Variants in FRMD5 observed in about 807,000 individuals in gnomAD.
FRMD5 encodes the protein FERM domain containing 5.
In FRMD5, 20 loss-of-function variants were observed where a neutral mutation model predicts 69.0. The ratio of observed to expected loss-of-function variants is 0.29; its 90% CI spans 0.20 to 0.42. The LOEUF (loss-of-function observed/expected upper bound fraction) is 0.42, where lower values mean the gene tolerates loss of function less well. Among genes scored for constraint, FRMD5 ranks in the 10% least tolerant of loss-of-function variants. The pLI, the probability that FRMD5 is intolerant of heterozygous loss-of-function variation, is 1.00. For missense variants in FRMD5, 595 were observed against 708.6 expected (o/e 0.84, Z 1.82); for synonymous variants, 271 against 260.1 (o/e 1.04, Z -0.40).
chr15:44,100,713 T>C lies in FRMD5; in HGVS notation c.102+94240A>G, dbSNP rs1425105981. Among the ~76,000 whole-genome samples, 3 of 152,186 alleles carry C rather than the reference T, an allele frequency of 2.0e-5. No individual in the cohort carries two copies. The East Asian group carries it at 5.8e-4, about 29-fold the overall frequency. On this transcript the variant is annotated intron_variant, in intron 1 of 13. Coordinates refer to ENST00000417257, the MANE Select transcript of FRMD5 (RefSeq NM_032892.5). ...TCCCAAGGCAGATGTGAACCACAGATAGCTTGACTTCTGAGACTAAGATTC... is the reference window on the plus strand; with the variant it reads ...TCCCAAGGCAGATGTGAACCACAGACAGCTTGACTTCTGAGACTAAGATTC...
At chr15:43,987,698 C>T (rs1595591520) in intron 1 of FRMD5, among the ~76,000 whole-genome samples, 1 of 152,008 alleles carries the variant, frequency 6.6e-6, no homozygotes, top group South Asian at 2.1e-4. Context: ...TATAGGCATG[C>T]ATCACCACGC....
intron 1 of FRMD5, among the ~76,000 whole-genome samples, chr15:43,972,186 T>C (rs2090391222): frequency 6.6e-6 from 1 of 151,560 alleles, no homozygotes; most frequent in Non-Finnish European, 1.5e-5. Flanking sequence ...AGCTCACACC[T>C]TGTTATTAAG....
At chr15:43,969,386 A>G (rs1292606927) in intron 1 of FRMD5, among the ~76,000 whole-genome samples, 2 of 152,156 alleles carry the variant, frequency 1.3e-5, no homozygotes, top group Admixed American at 1.3e-4. Context: ...TGGTCCAGCC[A>G]TCTTTATTCT....
chr15:44,038,956 G>A (rs1892058789), intron 1 of FRMD5, among the ~76,000 whole-genome samples: 1 of 152,196 alleles, frequency 6.6e-6, no homozygotes, highest in African/African-American at 2.4e-5. Context: ...CTTGCTGCTA[G>A]CACAGCAGTC....
chr15:43,943,015 G>A (rs1266915372), intron 1 of FRMD5, among the ~76,000 whole-genome samples: 1 of 152,178 alleles, frequency 6.6e-6, no homozygotes, highest in African/African-American at 2.4e-5. Flanking sequence ...GCCGAGGTGG[G>A]CAAATCACCT....
chr15:44,189,596 C>A (rs914460655), intron 1 of FRMD5, among the ~76,000 whole-genome samples: 1 of 151,536 alleles, frequency 6.6e-6, no homozygotes, highest in East Asian at 1.9e-4. Flanking sequence ...TCAAGCAATT[C>A]TCCTGCCTCA....
At chr15:44,179,125 T>C (rs2077953397) in intron 1 of FRMD5, among the ~76,000 whole-genome samples, 1 of 152,114 alleles carries the variant, frequency 6.6e-6, no homozygotes, top group Admixed American at 6.5e-5. Context: ...AAAGTCATAT[T>C]AGCATAGGTA....
intron 1 of FRMD5, among the ~76,000 whole-genome samples, chr15:44,059,774 C>T (rs1021462890): frequency 6.6e-6 from 1 of 152,128 alleles, no homozygotes; most frequent in African/African-American, 2.4e-5. Flanking sequence ...CTCAGCCTCC[C>T]AAAGTGCTGG....
intron 1 of FRMD5, among the ~76,000 whole-genome samples, chr15:44,044,170 A>C (rs574769887): frequency 6.6e-6 from 1 of 152,360 alleles, no homozygotes; most frequent in African/African-American, 2.4e-5. Flanking sequence ...ATATGAAAAA[A>C]AGCTCATCAT....
At chr15:44,196,078 C>A (rs1021484915), upstream of FRMD5, among the ~76,000 whole-genome samples, 1 of 152,130 alleles carries the variant, frequency 6.6e-6, no homozygotes, top group Non-Finnish European at 1.5e-5. Flanking sequence ...CTCTTTGTCA[C>A]CCCAAATTTA....
chr15:43,900,208 G>C (rs1173965975), intron 7 of FRMD5, among the ~76,000 whole-genome samples: 2 of 152,184 alleles, frequency 1.3e-5, no homozygotes. Flanking sequence ...CCAGTAAACA[G>C]GGGATGGGAA....
At chr15:43,961,425 C>G (rs1427941670) in intron 1 of FRMD5, among the ~76,000 whole-genome samples, 10 of 152,080 alleles carry the variant, frequency 6.6e-5, no homozygotes, top group African/African-American at 2.4e-4. Context: ...GCTTACCAAC[C>G]AAAAAAAGTC....
intron 1 of FRMD5, among the ~76,000 whole-genome samples, chr15:43,964,496 C>CAA (rs200106950): frequency 1.3e-4 from 14 of 110,434 alleles, no homozygotes; most frequent in African/African-American, 4.6e-4. Context: ...AACAAACAAA[C>CAA]AAACAAAAAA....
At chr15:44,194,897 C>T (rs930510577) in intron 1 of FRMD5, 56 bp downstream of exon 1, 2 of 1,431,630 alleles carry the variant, frequency 1.4e-6, no homozygotes, top group East Asian at 2.6e-5. Flanking sequence ...GCCAAGTTGA[C>T]CAGACTTGGG....
At position 43,980,628 on chromosome 15, in the gene FRMD5, A is replaced by G. The variant is rs138372779; in HGVS notation, c.103-56319T>C. 3.3e-4 allele frequency among the ~76,000 whole-genome samples: 51 copies of G among 152,348 alleles called. 1 individual carries two copies. Among genetic ancestry groups the G allele is most frequent in the African/African-American group, 1.2e-3 (51 of 41,594 alleles). On this transcript the variant is annotated intron_variant, in intron 1 of 13. Transcript: ENST00000417257. The stretch of plus-strand genomic sequence containing the variant: ...TTGACAATTTTCCCTCAATTGAAAG[A>G]TATGAAACTGAGTATCACTGAAAAT...
chr15:44,028,503 G>T (rs1891537808), intron 1 of FRMD5, among the ~76,000 whole-genome samples: 1 of 152,340 alleles, frequency 6.6e-6, no homozygotes, highest in East Asian at 1.9e-4. Flanking sequence ...ACCACAACAT[G>T]GTGCACAGAA....
chr15:44,033,062 C>T (rs1199032874), intron 1 of FRMD5, among the ~76,000 whole-genome samples: 6 of 152,172 alleles, frequency 3.9e-5, no homozygotes, highest in African/African-American at 1.4e-4. Context: ...TTTGCAGGAA[C>T]ATGGATGGAG....
chr15:44,176,554 T>A (rs1289666990), intron 1 of FRMD5, among the ~76,000 whole-genome samples: 1 of 152,150 alleles, frequency 6.6e-6, no homozygotes, highest in African/African-American at 2.4e-5. Flanking sequence ...AATTAAAATC[T>A]TTTGTGCTTC....
In FRMD5 at chr15:43,871,158, T is replaced by G. The variant is rs1350837876; in HGVS notation, c.*2727A>C. On this transcript the variant is annotated 3_prime_UTR_variant, in exon 14 of 14. Transcript: ENST00000417257. Reference sequence around the variant, plus strand: ...AAGGTGGAGATATACCAAAAAAGACTAGTCACCAATCAAAGGAGGTTTATT... The same window carrying G: ...AAGGTGGAGATATACCAAAAAAGACGAGTCACCAATCAAAGGAGGTTTATT... 1.3e-5 allele frequency: 2 copies of G among 152,130 alleles called. No individual in the cohort carries two copies. Among genetic ancestry groups the G allele is most frequent in the Non-Finnish European group, 2.9e-5 (2 of 67,998 alleles). The allele number at this position is 152,130 out of a possible 1,614,324, so 9.4% of individuals were successfully genotyped here. A position where few individuals can be genotyped will look rare whatever the true frequency, so the allele number is the denominator to read the frequency against.
Sources: gnomAD v4.1 joint callset for allele counts (sites outside exome capture counted in the v4.1 genomes callset) on GRCh38, gnomAD v4.1.1 for gene constraint, MANE v1.5 for transcripts, NCBI Gene and HGNC (gene_info 2026-07-23, HGNC 2026-07-21) for gene names.